The following FRMD6 variants were observed in gnomAD, a reference collection of about 807,000 sequenced individuals.
The protein encoded by FRMD6 is FERM domain containing 6.
FRMD6 carries 37 observed loss-of-function variants against 73.2 expected under a neutral mutation model. That is an observed-to-expected ratio of 0.51 (90% CI 0.39 to 0.66). FRMD6 has a LOEUF of 0.66. FRMD6 is among the 30% of genes least tolerant of loss of function. FRMD6 has a pLI of 0.00. For synonymous variants in FRMD6, 273 were observed against 282.2 expected (o/e 0.97, Z 0.33); for missense variants, 714 against 780.5 (o/e 0.91, Z 1.02).
chr14:51,523,104 TA>T (rs1885038648), intron 1 of FRMD6: 3 of 152,184 alleles, frequency 2.0e-5, no homozygotes, highest in South Asian at 2.1e-4. Flanking sequence ...TTTTCAACAA[TA>T]GGGGTGTACA....
Position 51,689,423 on chromosome 14 carries a change from G to T in FRMD6, c.-146-268G>T, listed in dbSNP as rs8019488. Among the ~76,000 whole-genome samples, 59,367 of 152,066 alleles carry T rather than the reference G, an allele frequency of 0.39. 11,715 individuals carry two copies. Among genetic ancestry groups the T allele is most frequent in the African/African-American group, 0.45 (18,809 of 41,450 alleles). On this transcript the variant is annotated intron_variant, in intron 1 of 13. Coordinates refer to ENST00000344768, the MANE Select transcript of FRMD6 (RefSeq NM_001267046.2). ...AAGACAGGATCTCTGTTTCTGTGAG[G>T]CCTGTAGTACTTAGTACATCCTTGA...
chr14:51,560,440 C>T (rs371439308), intron 1 of FRMD6, among the ~76,000 whole-genome samples: 1 of 152,248 alleles, frequency 6.6e-6, no homozygotes, highest in African/African-American at 2.4e-5. Flanking sequence ...GCCAAGTGGG[C>T]AGGTGATCTC....
intron 1 of FRMD6, among the ~76,000 whole-genome samples, chr14:51,676,727 ACAC>A (rs1290502160): frequency 6.6e-6 from 1 of 152,182 alleles, no homozygotes; most frequent in African/African-American, 2.4e-5. Flanking sequence ...TGATGAAAGA[ACAC>A]CATTGTATTC....
intron 2 of FRMD6, among the ~76,000 whole-genome samples, chr14:51,618,157 C>T (rs1201669487): frequency 1.3e-5 from 2 of 152,064 alleles, no homozygotes; most frequent in African/African-American, 2.4e-5. Flanking sequence ...TCTCTGGGTA[C>T]GCTGCATTAC....
the FRMD6 span, among the ~76,000 whole-genome samples, chr14:51,430,490 GT>G: frequency 6.6e-6 from 1 of 151,190 alleles, no homozygotes. Context: ...AATTGGAGTT[GT>G]TTTTTTTAAT....
chr14:51,618,705 G>A (rs12147619), intron 2 of FRMD6, among the ~76,000 whole-genome samples: 3,389 of 152,192 alleles, frequency 0.022, 51 homozygotes, highest in Admixed American at 0.036. Flanking sequence ...GTAGCCCCTG[G>A]CTAAAATGAG....
the FRMD6 span, among the ~76,000 whole-genome samples, chr14:51,463,898 G>T: frequency 1.3e-5 from 2 of 152,150 alleles, no homozygotes; most frequent in Non-Finnish European, 2.9e-5. Flanking sequence ...ACTCCCTGCA[G>T]CCTTAGCCTC....
intron 2 of FRMD6, among the ~76,000 whole-genome samples, chr14:51,584,558 T>C (rs1251192137): frequency 1.3e-5 from 2 of 152,324 alleles, no homozygotes; most frequent in African/African-American, 4.8e-5. Flanking sequence ...TTATTATAAT[T>C]ACTTCTGTAT....
chr14:51,535,229 C>T lies in FRMD6; in HGVS notation c.-209-35119C>T, dbSNP rs532095355. Among the ~76,000 whole-genome samples, 3 of 152,176 alleles carry T rather than the reference C, an allele frequency of 2.0e-5. No individual in the cohort carries two copies. The East Asian group carries it at 5.8e-4, about 29-fold the overall frequency. ...ATAATTTACACACATAAAATTTGTC[C>T]CTTTAAAGTATATAATACAGTGGTT... On this transcript the variant is annotated intron_variant, in intron 1 of 14. Transcript: ENST00000356218.
At chr14:51,637,821 A>G (rs1219853375) in intron 2 of FRMD6, 1 of 152,192 alleles carries the variant, frequency 6.6e-6, no homozygotes, top group Non-Finnish European at 1.5e-5. Context: ...CCTTTTCATG[A>G]CTGTGATCCA....
At chr14:51,608,982 A>C (rs985113682) in intron 2 of FRMD6, among the ~76,000 whole-genome samples, 4 of 152,178 alleles carry the variant, frequency 2.6e-5, no homozygotes, top group African/African-American at 9.6e-5. Context: ...TGGCTTCTCT[A>C]CTTTCTGGGA....
chr14:51,462,826 G>T, the FRMD6 span, among the ~76,000 whole-genome samples: 1 of 152,078 alleles, frequency 6.6e-6, no homozygotes, highest in Non-Finnish European at 1.5e-5. Flanking sequence ...GAGAGAAAGG[G>T]AGAAGGGTGA....
the FRMD6 span, among the ~76,000 whole-genome samples, chr14:51,453,167 A>G: frequency 6.6e-6 from 1 of 152,230 alleles, no homozygotes; most frequent in African/African-American, 2.4e-5. Context: ...AAAATAGAGA[A>G]TTAAAGATGT....
At chr14:51,554,121 G>T (rs1268039862) in intron 1 of FRMD6, among the ~76,000 whole-genome samples, 1 of 152,010 alleles carries the variant, frequency 6.6e-6, no homozygotes, top group Non-Finnish European at 1.5e-5. Flanking sequence ...TTACAATGAT[G>T]AGACTATATT....
chr14:51,534,424 G>A (rs1309402715), intron 1 of FRMD6, among the ~76,000 whole-genome samples: 1 of 152,122 alleles, frequency 6.6e-6, no homozygotes, highest in Non-Finnish European at 1.5e-5. Context: ...TATTGGACAA[G>A]GGCTTAGAGC....
intron 1 of FRMD6, among the ~76,000 whole-genome samples, chr14:51,492,708 T>G (rs1883087804): frequency 6.6e-6 from 1 of 152,226 alleles, no homozygotes; most frequent in South Asian, 2.1e-4. Context: ...TAATATTAAT[T>G]GAACAGGTAG....
chr14:51,647,967 C>A (rs111692948), upstream of FRMD6, among the ~76,000 whole-genome samples: 9,513 of 152,034 alleles, frequency 0.063, 393 homozygotes, highest in African/African-American at 0.11. Context: ...CTGGGATTAC[C>A]GGCATGTGCC....
the FRMD6 span, among the ~76,000 whole-genome samples, chr14:51,470,410 G>A: frequency 3.9e-5 from 6 of 152,012 alleles, no homozygotes; most frequent in African/African-American, 1.4e-4. Context: ...TGAGGGAGGA[G>A]AATTGCTTGA....
chr14:51,539,565 C>G (rs1886091450), intron 1 of FRMD6, among the ~76,000 whole-genome samples: 1 of 152,118 alleles, frequency 6.6e-6, no homozygotes, highest in Non-Finnish European at 1.5e-5. Context: ...GTAGGGGGAG[C>G]AAATTTAAAG....
Sources: allele counts gnomAD v4.1 joint callset (sites outside exome capture counted in the v4.1 genomes callset), GRCh38; gene constraint gnomAD v4.1.1; transcripts MANE v1.5; gene names NCBI Gene and HGNC (gene_info 2026-07-23, HGNC 2026-07-21).